NKAIN2: variants seen among roughly 807,000 people sequenced by gnomAD.
NKAIN2 encodes sodium/potassium-transporting ATPase subunit beta-1-interacting protein 2.
Under a neutral mutation model 32.6 loss-of-function variants are expected in NKAIN2, and 14 were observed. That is an observed-to-expected ratio of 0.43 (90% CI 0.28 to 0.67). The LOEUF is 0.67. NKAIN2 is among the 30% of genes least tolerant of loss of function. NKAIN2 has a pLI of 0.17. For missense variants in NKAIN2, 198 were observed against 258.3 expected, an observed-to-expected ratio of 0.77 and a Z score of 1.60; for synonymous variants, 80 against 87.2, an observed-to-expected ratio of 0.92 and a Z score of 0.46.
intron 3 of NKAIN2, among the ~76,000 whole-genome samples, chr6:124,558,181 C>T (rs1780548452): frequency 6.6e-6 from 1 of 152,186 alleles, no homozygotes; most frequent in Non-Finnish European, 1.5e-5. Context: ...TTTAAAAAGG[C>T]CAGACAGAAT....
intron 1 of NKAIN2, among the ~76,000 whole-genome samples, chr6:124,146,037 G>A (rs1226126937): frequency 6.6e-6 from 1 of 152,078 alleles, no homozygotes; most frequent in East Asian, 1.9e-4. Flanking sequence ...ATAAGATTAG[G>A]AAATCACATT....
intron 3 of NKAIN2, among the ~76,000 whole-genome samples, chr6:124,553,060 CTA>C (rs1181839599): frequency 6.6e-6 from 1 of 152,158 alleles, no homozygotes; most frequent in African/African-American, 2.4e-5. Context: ...ACAGAAATGT[CTA>C]TACAATTCTT....
intron 3 of NKAIN2, among the ~76,000 whole-genome samples, chr6:124,450,498 A>G (rs188348100): frequency 1.3e-5 from 2 of 152,088 alleles, no homozygotes; most frequent in East Asian, 3.9e-4. Flanking sequence ...CAACACTGCC[A>G]TAATAATACT....
chr6:124,544,871 A>C (rs1780038153), intron 3 of NKAIN2, among the ~76,000 whole-genome samples: 1 of 152,164 alleles, frequency 6.6e-6, no homozygotes, highest in South Asian at 2.1e-4. Flanking sequence ...CTTCCCCGGA[A>C]AATTTTTTTG....
intron 4 of NKAIN2, among the ~76,000 whole-genome samples, chr6:124,773,390 AG>A (rs1399046364): frequency 6.6e-6 from 1 of 152,090 alleles, no homozygotes; most frequent in Non-Finnish European, 1.5e-5. Flanking sequence ...CTGCGGGGAA[AG>A]GAATGGTAGA....
chr6:124,159,612 C>T (rs977290925), intron 1 of NKAIN2, among the ~76,000 whole-genome samples: 4 of 152,076 alleles, frequency 2.6e-5, no homozygotes, highest in Non-Finnish European at 4.4e-5. Context: ...CTTATATTAG[C>T]CCATTCTTGC....
chr6:124,173,294 C>T (rs1235189636), intron 1 of NKAIN2, among the ~76,000 whole-genome samples: 2 of 151,992 alleles, frequency 1.3e-5, no homozygotes, highest in Non-Finnish European at 2.9e-5. Context: ...TAACACCAAC[C>T]TGTTCTACAC....
At chr6:124,708,469 C>A (rs899853653) in intron 4 of NKAIN2, among the ~76,000 whole-genome samples, 72 of 152,244 alleles carry the variant, frequency 4.7e-4, no homozygotes, top group South Asian at 1.7e-3. Flanking sequence ...TCTTCCTACC[C>A]ATGAGCATGG....
intron 1 of NKAIN2, among the ~76,000 whole-genome samples, chr6:124,184,138 G>T (rs1023460749): frequency 6.6e-6 from 1 of 151,994 alleles, no homozygotes. Context: ...AATTTTAAAA[G>T]GAATCTAACT....
At chr6:123,847,601 G>A (rs1775145222) in intron 1 of NKAIN2, among the ~76,000 whole-genome samples, 1 of 152,082 alleles carries the variant, frequency 6.6e-6, no homozygotes, top group Admixed American at 6.5e-5. Context: ...TCTTTAAGAC[G>A]ATTAAAATAA....
intron 3 of NKAIN2, among the ~76,000 whole-genome samples, chr6:124,584,520 G>A (rs1346153255): frequency 1.3e-5 from 2 of 152,106 alleles, no homozygotes; most frequent in Admixed American, 6.5e-5. Flanking sequence ...AGGTATGGTT[G>A]TGGGTGCCTA....
chr6:124,367,697 A>C (rs962734883), intron 3 of NKAIN2, among the ~76,000 whole-genome samples: 86 of 152,232 alleles, frequency 5.6e-4, no homozygotes, highest in African/African-American at 2.0e-3. Context: ...GAACTTCGAC[A>C]TAGGGCACAA....
chr6:123,853,021 C>A (rs1775414412), intron 1 of NKAIN2, among the ~76,000 whole-genome samples: 1 of 152,196 alleles, frequency 6.6e-6, no homozygotes, highest in African/African-American at 2.4e-5. Context: ...ACTTTATCAT[C>A]ATGTTGAGTA....
At chr6:124,499,365 T>C (rs1255561471) in intron 3 of NKAIN2, among the ~76,000 whole-genome samples, 1 of 152,180 alleles carries the variant, frequency 6.6e-6, no homozygotes, top group Non-Finnish European at 1.5e-5. Flanking sequence ...GAGCTCCATA[T>C]CTTAAATAGT....
chr6:124,192,106 CT>C (rs1380311049), intron 1 of NKAIN2, among the ~76,000 whole-genome samples: 2 of 151,868 alleles, frequency 1.3e-5, no homozygotes, highest in Non-Finnish European at 2.9e-5. Flanking sequence ...TTTATTTCTG[CT>C]GTTGAATCAT....
At chr6:124,644,063 T>C (rs1583572910) in intron 3 of NKAIN2, among the ~76,000 whole-genome samples, 1 of 152,332 alleles carries the variant, frequency 6.6e-6, no homozygotes, top group Non-Finnish European at 1.5e-5. Flanking sequence ...TTAGGCTTCT[T>C]ACATTGACCT....
At chr6:124,438,913 A>C (rs1250941956) in intron 3 of NKAIN2, among the ~76,000 whole-genome samples, 2 of 152,112 alleles carry the variant, frequency 1.3e-5, no homozygotes, top group African/African-American at 2.4e-5. Flanking sequence ...CCCAGCTGCT[A>C]AATCGTGGAG....
chr6:124,651,644 G>A (rs950965911), intron 3 of NKAIN2, among the ~76,000 whole-genome samples: 10 of 152,136 alleles, frequency 6.6e-5, no homozygotes, highest in Non-Finnish European at 1.3e-4. Context: ...AAGGAGACAA[G>A]CTTCTTGAAT....
At chr6:124,451,356 TATAAA>T (rs1215247674) in intron 3 of NKAIN2, among the ~76,000 whole-genome samples, 11 of 152,140 alleles carry the variant, frequency 7.2e-5, no homozygotes, top group Admixed American at 2.0e-4. Flanking sequence ...TTGTTAAAAA[TATAAA>T]ATAAAATAAA....
Sources: allele counts gnomAD v4.1 joint callset (sites outside exome capture counted in the v4.1 genomes callset), GRCh38; gene constraint gnomAD v4.1.1; transcripts MANE v1.5; gene names NCBI Gene and HGNC (gene_info 2026-07-23, HGNC 2026-07-21).